The following DPH6 variants were observed in gnomAD, a reference collection of about 807,000 sequenced individuals.
DPH6 encodes diphthamine biosynthesis 6, also known as diphthine--ammonia ligase.
Under a neutral mutation model 38.2 loss-of-function variants are expected in DPH6, and 33 were observed. The ratio of observed to expected loss-of-function variants is 0.86; its 90% CI spans 0.65 to 1.15. The LOEUF is 1.15. Ranked by LOEUF, DPH6 falls within the 50% of genes most tolerant of loss-of-function variation. DPH6 has a pLI of 0.00. For synonymous variants in DPH6, 108 were observed against 103.0 expected, an observed-to-expected ratio of 1.05 and a Z score of -0.30; for missense variants, 325 against 320.0, an observed-to-expected ratio of 1.02 and a Z score of -0.12.
In DPH6 at chr15:35,241,067, A is replaced by G. The variant is rs1036893855; in HGVS notation, n.201-20485T>C. Among the ~76,000 whole-genome samples the G allele has an allele frequency of 1.7e-4, 24 of 142,846 alleles. 3 individuals carry two copies. Among genetic ancestry groups the G allele is most frequent in the Admixed American group, 3.0e-4 (4 of 13,218 alleles). 93.7% of individuals were successfully genotyped at this position (142,846 alleles called of 152,430 possible). On this transcript the variant is annotated intron_variant and non_coding_transcript_variant, in intron 3 of 3. Coordinates refer to the DPH6 transcript ENST00000560386. The stretch of plus-strand genomic sequence containing the variant: ...TACACGTGCCGGAAATCTGACCACC[A>G]GGCCAAGGAATGCCCGCAGCCCAGG...
chr15:35,386,108 T>C (rs1485888775), intron 6 of DPH6, among the ~76,000 whole-genome samples: 4 of 152,146 alleles, frequency 2.6e-5, no homozygotes, highest in Non-Finnish European at 5.9e-5. Context: ...TTTGGTTTTT[T>C]GTCCTTGTGA....
At chr15:35,307,052 AC>A (rs2052098031) in intron 3 of DPH6, among the ~76,000 whole-genome samples, 1 of 152,322 alleles carries the variant, frequency 6.6e-6, no homozygotes, top group East Asian at 1.9e-4. Flanking sequence ...CAGTACAATC[AC>A]AAAAATATGT....
intron 5 of DPH6, among the ~76,000 whole-genome samples, chr15:35,421,639 G>A (rs779409901): frequency 6.6e-6 from 1 of 152,116 alleles, no homozygotes; most frequent in Non-Finnish European, 1.5e-5. Context: ...TTTTCAAGAT[G>A]ATGAGTACTG....
intron 3 of DPH6, among the ~76,000 whole-genome samples, chr15:35,350,491 T>C (rs571439287): frequency 6.6e-6 from 1 of 152,280 alleles, no homozygotes; most frequent in Admixed American, 6.5e-5. Flanking sequence ...TTTAGTTTGT[T>C]CTTACTTTTG....
At chr15:35,530,174 G>A (rs1001321676) in intron 3 of DPH6, among the ~76,000 whole-genome samples, 4 of 152,054 alleles carry the variant, frequency 2.6e-5, no homozygotes, top group African/African-American at 9.7e-5. Context: ...GCAAAGACAA[G>A]ATAAACTACA....
chr15:35,226,086 G>A (rs962854491), intron 3 of DPH6, among the ~76,000 whole-genome samples: 8 of 151,930 alleles, frequency 5.3e-5, no homozygotes, highest in African/African-American at 1.9e-4. Flanking sequence ...AATAGTCACT[G>A]CACTCCAGCC....
At chr15:35,490,283 T>C in intron 3 of DPH6, 1 of 674,354 alleles carries the variant, frequency 1.5e-6, no homozygotes, top group Non-Finnish European at 1.8e-6. Context: ...GAGAGGTTTG[T>C]AGTAGACCAA....
chr15:35,183,122 A>C, the DPH6 span, among the ~76,000 whole-genome samples: 1 of 152,186 alleles, frequency 6.6e-6, no homozygotes, highest in African/African-American at 2.4e-5. Flanking sequence ...GATACCTTTT[A>C]ATTTTTAAAC....
intron 3 of DPH6, among the ~76,000 whole-genome samples, chr15:35,501,036 C>T (rs957468522): frequency 3.9e-5 from 6 of 152,046 alleles, no homozygotes; most frequent in East Asian, 3.9e-4. Context: ...CCACCGTGCC[C>T]GGCCAATAAT....
At chr15:35,176,498 T>C in the DPH6 span, among the ~76,000 whole-genome samples, 1 of 150,986 alleles carries the variant, frequency 6.6e-6, no homozygotes, top group South Asian at 2.1e-4. Context: ...TAAGATGGAG[T>C]TTCACTCTTG....
At chr15:35,355,074 TA>T (rs879766993) in intron 3 of DPH6, among the ~76,000 whole-genome samples, 1 of 152,234 alleles carries the variant, frequency 6.6e-6, no homozygotes, top group Non-Finnish European at 1.5e-5. Flanking sequence ...TTTGTTGGTT[TA>T]AAGTCTGTTT....
rs112532049 is a variant in DPH6, at chr15:35,430,538, C to CAA, written c.506-19644_506-19643dup. Among the ~76,000 whole-genome samples, 537 of 143,004 alleles carry CAA rather than the reference C, an allele frequency of 3.8e-3. 7 individuals carry two copies. Among genetic ancestry groups the CAA allele is most frequent in the African/African-American group, 0.012 (486 of 40,152 alleles). The allele number at this position is 143,004 out of a possible 152,430, so 93.8% of individuals were successfully genotyped here. A position where few individuals can be genotyped will look rare whatever the true frequency, so the allele number is the denominator to read the frequency against. ...TAAGATCTTTTCTTTATCCTGTAGC[C>CAA]AAAAAAAAAAAATGAAATAAAACCA... On this transcript the variant is annotated intron_variant, in intron 5 of 8. Coordinates refer to ENST00000256538, the MANE Select transcript of DPH6 (RefSeq NM_080650.4).
chr15:35,431,939 C>T (rs1051838039), intron 5 of DPH6, among the ~76,000 whole-genome samples: 1 of 152,156 alleles, frequency 6.6e-6, no homozygotes, highest in Non-Finnish European at 1.5e-5. Context: ...AGGCGCCGGC[C>T]ACAACACCCA....
intron 3 of DPH6, among the ~76,000 whole-genome samples, chr15:35,474,236 T>G (rs2054237711): frequency 6.6e-6 from 1 of 152,084 alleles, no homozygotes. Flanking sequence ...TTCCCCTCTT[T>G]AAGAGAGAGG....
intron 5 of DPH6, among the ~76,000 whole-genome samples, chr15:35,435,609 C>T (rs939581265): frequency 2.0e-5 from 3 of 152,136 alleles, no homozygotes; most frequent in South Asian, 4.1e-4. Context: ...GCAGGACCCC[C>T]TCTTTCTTTT....
chr15:35,454,218 G>A (rs542430483), intron 4 of DPH6, among the ~76,000 whole-genome samples: 1 of 152,198 alleles, frequency 6.6e-6, no homozygotes, highest in Admixed American at 6.5e-5. Flanking sequence ...CCTTAGGGGA[G>A]TAGAGACGGG....
chr15:35,420,496 AAC>A (rs1486977444), intron 5 of DPH6, among the ~76,000 whole-genome samples: 1 of 152,150 alleles, frequency 6.6e-6, no homozygotes, highest in Non-Finnish European at 1.5e-5. Flanking sequence ...AAATCAATAA[AAC>A]AGAGTTTTAT....
rs67243158 is a variant in DPH6, at chr15:35,285,872, G to GTTTTTTTTTTTTTTTTTTTTTTTTTTTTT, written n.201-65291_201-65290insAAAAAAAAAAAAAAAAAAAAAAAAAAAAA. On this transcript the variant is annotated intron_variant and non_coding_transcript_variant, in intron 3 of 3. Coordinates refer to the DPH6 transcript ENST00000560386. ...GACTCAATTATCATTTTATCTTTGA[G>GTTTTTTTTTTTTTTTTTTTTTTTTTTTTT]TTTTTTTTTTTTTTTTTACCTGAGA... is the stretch of plus-strand genomic sequence containing the variant. Among the ~76,000 whole-genome samples the GTTTTTTTTTTTTTTTTTTTTTTTTTTTTT allele has an allele frequency of 1.7e-4, 9 of 52,814 alleles. 4 individuals are homozygous for GTTTTTTTTTTTTTTTTTTTTTTTTTTTTT. The highest frequency in any genetic ancestry group is 2.3e-4 in the Non-Finnish European group (7 of 30,542). 34.6% of individuals were successfully genotyped at this position (52,814 alleles called of 152,430 possible).
intron 3 of DPH6, among the ~76,000 whole-genome samples, chr15:35,295,116 T>C (rs1026679725): frequency 6.6e-6 from 1 of 152,164 alleles, no homozygotes; most frequent in Non-Finnish European, 1.5e-5. Flanking sequence ...AAACCAAGCC[T>C]GTGAAGAAGG....
Sources: allele counts gnomAD v4.1 joint callset (sites outside exome capture counted in the v4.1 genomes callset), GRCh38; gene constraint gnomAD v4.1.1; transcripts MANE v1.5; gene names NCBI Gene and HGNC (gene_info 2026-07-23, HGNC 2026-07-21).